ADSS2: variants seen among roughly 807,000 people sequenced by gnomAD.
ADSS2 encodes the protein adenylosuccinate synthase 2.
In ADSS2, 30 loss-of-function variants were observed where a neutral mutation model predicts 60.0. That is an observed-to-expected ratio of 0.50 (90% CI 0.37 to 0.68). ADSS2 has a LOEUF of 0.68. Among genes scored for constraint, ADSS2 ranks in the 30% least tolerant of loss-of-function variants. ADSS2 has a pLI of 0.00. For missense variants in ADSS2, 373 were observed against 554.8 expected, an observed-to-expected ratio of 0.67 and a Z score of 3.29; for synonymous variants, 187 against 193.1, an observed-to-expected ratio of 0.97 and a Z score of 0.26.
At chr1:244,436,779 C>T in intron 3 of ADSS2, 46 bp downstream of exon 3, 1 of 1,519,532 alleles carries the variant, frequency 6.6e-7, no homozygotes, top group Non-Finnish European at 9.1e-7. Flanking sequence ...CCTAATAAAA[C>T]TTTACAAAGA....
intron 1 of ADSS2, among the ~76,000 whole-genome samples, chr1:244,450,735 T>C (rs188864634): frequency 1.8e-4 from 28 of 152,308 alleles, no homozygotes; most frequent in Middle Eastern, 3.4e-3. Context: ...CCCTGTATGC[T>C]GCGTCAAAGG....
intron 1 of ADSS2, among the ~76,000 whole-genome samples, chr1:244,450,121 C>T (rs1414511895): frequency 6.6e-6 from 1 of 152,198 alleles, no homozygotes; most frequent in East Asian, 1.9e-4. Flanking sequence ...CCGCTGTCGA[C>T]AGCAAGAAAG....
intron 1 of ADSS2, among the ~76,000 whole-genome samples, 157 bp from the exon 2 acceptor site, chr1:244,437,925 T>C (rs1292240504): frequency 6.6e-6 from 1 of 152,168 alleles, no homozygotes; most frequent in East Asian, 1.9e-4. Flanking sequence ...TTTAAAATAG[T>C]TTGGCTGTCT....
At position 244,416,040 on chromosome 1, in the gene ADSS2, G is replaced by A. The variant is rs147946123; in HGVS notation, c.1109C>T (p.Thr370Met). The change falls in exon 11 of 13, where the codon ACG becomes ATG. Residue 370 changes from threonine to methionine, a missense_variant. Thr to Met is a moderately conservative substitution (Grantham distance 81, BLOSUM62 -1). Around this residue, in one of 5 missense-constraint regions of ADSS2, gnomAD observed 130 missense variants for 169.4 expected, o/e 0.77. Coordinates refer to ENST00000366535, the MANE Select transcript of ADSS2 (RefSeq NM_001126.5). ...GTAAGCAACTCCAACTTTGATTTCC[G>A]TAAACATGTCCAAAATATCCAACTT... ...LTKLDILDMF[T>M]EIKVGVAYKL... The A allele has an allele frequency of 1.7e-5, 28 of 1,613,710 alleles. No homozygotes were observed. The highest frequency in any genetic ancestry group is 5.5e-5 in the South Asian group (5 of 91,042).
chr1:244,413,898 T>C (rs1351067548), intron 11 of ADSS2, among the ~76,000 whole-genome samples: 2 of 152,094 alleles, frequency 1.3e-5, no homozygotes, highest in African/African-American at 2.4e-5. Flanking sequence ...GGCTGCTCTT[T>C]AAGAATAAAA....
At chr1:244,449,398 C>T (rs1484979038) in intron 1 of ADSS2, among the ~76,000 whole-genome samples, 1 of 152,110 alleles carries the variant, frequency 6.6e-6, no homozygotes, top group Non-Finnish European at 1.5e-5. Flanking sequence ...TAACAAAGGA[C>T]ATATTTTCAC....
In ADSS2 at chr1:244,451,261, G is replaced by A. The variant is rs1317214539; in HGVS notation, c.183+374C>T. ...CCGCCCGCAGTCGGAAGAGTTGGGA[G>A]CAGGCCTCGGGCGGTAGCTCCTCAA... On this transcript the variant is annotated intron_variant, in intron 1 of 12. Transcript: ENST00000366535. The surrounding 1 kb of genome is among the most constrained non-coding windows in gnomAD (Gnocchi z 6.6). 6.6e-6 allele frequency among the ~76,000 whole-genome samples: 1 copy of A among 152,180 alleles called. No homozygotes were observed. Among genetic ancestry groups the A allele is most frequent in the Non-Finnish European group, 1.5e-5 (1 of 68,030 alleles).
chr1:244,411,376 G>T lies in ADSS2; in HGVS notation c.1229C>A (p.Thr410Lys). Reference sequence around the variant, plus strand: ...AAACGCCCTTGCATTTGATATGTCTGTGTTCCATCCTGGGAGAGTCTTATA... The same window carrying T: ...AAACGCCCTTGCATTTGATATGTCTTTGTTCCATCCTGGGAGAGTCTTATA... ...VQYKTLPGWN[T>K]DISNARAFKE... Residue 410 changes from threonine to lysine, a missense_variant, in exon 12 of 13, where the codon ACA (threonine) becomes AAA (lysine). Physicochemically the swap from Thr to Lys is moderately conservative, Grantham distance 78. Coordinates refer to ENST00000366535, the MANE Select transcript of ADSS2 (RefSeq NM_001126.5). The T allele has an allele frequency of 6.2e-7, 1 of 1,613,856 alleles. No individual in the cohort carries two copies. The highest frequency in any genetic ancestry group is 8.5e-7 in the Non-Finnish European group (1 of 1,179,834).
At chr1:244,417,453 T>A (rs1664559210) in intron 10 of ADSS2, among the ~76,000 whole-genome samples, 175 bp downstream of exon 10, 1 of 152,160 alleles carries the variant, frequency 6.6e-6, no homozygotes, top group Admixed American at 6.6e-5. Flanking sequence ...TAACTTGGGA[T>A]CTCTCTCCTT....
At position 244,451,880 on chromosome 1, in the gene ADSS2, C is replaced by G; in HGVS notation, c.-63G>C. 1.4e-6 allele frequency: 2 copies of G among 1,440,580 alleles called. No homozygotes were observed. The highest frequency in any genetic ancestry group is 2.6e-5 in the East Asian group (1 of 39,184). 89.2% of individuals were successfully genotyped at this position (1,440,580 alleles called of 1,614,324 possible). On this transcript the variant is annotated 5_prime_UTR_variant, in exon 1 of 13. Coordinates refer to ENST00000366535, the MANE Select transcript of ADSS2 (RefSeq NM_001126.5). The surrounding 1 kb of genome is among the most constrained non-coding windows in gnomAD (Gnocchi z 6.6). ...GCCGGCGAGGAGTGAGCGAACTGAA[C>G]TGCTCTGCGGCCGCCAGCCACATGC...
intron 4 of ADSS2, 175 bp from the exon 5 acceptor site, chr1:244,424,562 T>C (rs956497850): frequency 5.8e-6 from 3 of 519,656 alleles, no homozygotes; most frequent in South Asian, 2.9e-5. Flanking sequence ...TACATTAATA[T>C]GAAAATGTCT....
chr1:244,415,347 C>T (rs1664505387), intron 11 of ADSS2, among the ~76,000 whole-genome samples: 1 of 152,124 alleles, frequency 6.6e-6, no homozygotes, highest in Admixed American at 6.5e-5. Flanking sequence ...ATCTAGACTC[C>T]CTCTATACTT....
rs915956564 is a variant in ADSS2, at chr1:244,417,164, G to A, written c.1070+464C>T. Among the ~76,000 whole-genome samples the A allele has an allele frequency of 6.6e-5, 10 of 152,278 alleles. No homozygotes were observed. In the South Asian group the frequency reaches 8.3e-4, roughly 13 times the overall value. On this transcript the variant is annotated intron_variant, in intron 10 of 12. Transcript: ENST00000366535. ...ATACCCCTATGAAGTAGGTAATGCT[G>A]TTATATAGATTTCAGAGAGGATAAA...
At position 244,442,222 on chromosome 1, in the gene ADSS2, T is replaced by G. The variant is rs116037608; in HGVS notation, c.184-4454A>C. On this transcript the variant is annotated intron_variant, in intron 1 of 12. Coordinates refer to ENST00000366535, the MANE Select transcript of ADSS2 (RefSeq NM_001126.5). ...ATAGTAATGATGGAATTAACCATAATAAAGAGATGATGGTTGCTCTACACA... is the reference window on the plus strand; with the variant it reads ...ATAGTAATGATGGAATTAACCATAAGAAAGAGATGATGGTTGCTCTACACA... 4.8e-3 allele frequency among the ~76,000 whole-genome samples: 708 copies of G among 148,342 alleles called. 8 individuals carry two copies. The highest frequency in any genetic ancestry group is 0.017 in the African/African-American group (683 of 39,718).
intron 8 of ADSS2, among the ~76,000 whole-genome samples, chr1:244,419,951 A>G (rs1664638349): frequency 6.6e-6 from 1 of 152,190 alleles, no homozygotes; most frequent in African/African-American, 2.4e-5. Context: ...TCAAATGATG[A>G]TTTTATTTTT....
chr1:244,417,284 C>T (rs941714906), intron 10 of ADSS2, among the ~76,000 whole-genome samples: 2 of 152,150 alleles, frequency 1.3e-5, no homozygotes, highest in Non-Finnish European at 2.9e-5. Flanking sequence ...AGCCCATGCG[C>T]GGATCACTAG....
chr1:244,438,938 ACTGTTGACTGTAGTCCC>A (rs2148010024), intron 1 of ADSS2, among the ~76,000 whole-genome samples: 1 of 152,312 alleles, frequency 6.6e-6, no homozygotes, highest in South Asian at 2.1e-4. Context: ...ATGTATAATT[ACTGTTGACTGTAGTCCC>A]CTGTTGTGCT....
chr1:244,426,550 A>C (rs560475874), intron 4 of ADSS2, among the ~76,000 whole-genome samples: 8 of 152,326 alleles, frequency 5.3e-5, no homozygotes, highest in East Asian at 1.9e-4. Flanking sequence ...AACAAAAAAA[A>C]CCATCATAAC....
intron 12 of ADSS2, among the ~76,000 whole-genome samples, chr1:244,411,077 C>T (rs1189058099): frequency 6.6e-6 from 1 of 151,986 alleles, no homozygotes; most frequent in African/African-American, 2.4e-5. Flanking sequence ...AAAAATTAGC[C>T]AGGCGTGGTG....
Sources: allele counts gnomAD v4.1 joint callset (sites outside exome capture counted in the v4.1 genomes callset), GRCh38; gene constraint gnomAD v4.1.1; regional missense constraint gnomAD v4.1.1; non-coding constraint Gnocchi (gnomAD v3.1); transcripts MANE v1.5; gene names NCBI Gene and HGNC (gene_info 2026-07-23, HGNC 2026-07-21).